ANKRD18B: variants seen among roughly 807,000 people sequenced by gnomAD.
The protein encoded by ANKRD18B is ankyrin repeat domain-containing protein 18B.
ANKRD18B carries 75 observed loss-of-function variants against 111.8 expected under a neutral mutation model. The observed-to-expected ratio is 0.67, with a 90% CI of 0.56 to 0.81. ANKRD18B has a LOEUF of 0.81. Ranked by LOEUF, ANKRD18B falls within the 40% of genes least tolerant of loss-of-function variation. The pLI, the probability that ANKRD18B is intolerant of heterozygous loss-of-function variation, is 0.00. For missense variants in ANKRD18B, 1,038 were observed against 1,225.5 expected (o/e 0.85, Z 2.28); for synonymous variants, 356 against 417.3 (o/e 0.85, Z 1.79).
intron 9 of ANKRD18B, 41 bp from the exon 10 acceptor site, chr9:33,543,144 T>A: frequency 6.7e-7 from 1 of 1,483,774 alleles, no homozygotes; most frequent in Non-Finnish European, 9.1e-7. Flanking sequence ...TTATAGTTTT[T>A]AAGTCATTCA....
intron 15 of ANKRD18B, among the ~76,000 whole-genome samples, 172 bp downstream of exon 15, chr9:33,566,672 A>G (rs1828690389): frequency 1.3e-5 from 2 of 152,064 alleles, no homozygotes; most frequent in Admixed American, 6.6e-5. Flanking sequence ...TTAAATTTCC[A>G]TTATTATTAT....
intron 4 of ANKRD18B, 69 bp from the exon 5 acceptor site, chr9:33,534,301 T>G (rs1314596428): frequency 6.8e-7 from 1 of 1,477,904 alleles, no homozygotes; most frequent in Non-Finnish European, 9.0e-7. Context: ...ATTGGTAAAG[T>G]GTATCCAATT....
At chr9:33,544,966 G>C (rs1465594028) in intron 10 of ANKRD18B, among the ~76,000 whole-genome samples, 1 of 152,210 alleles carries the variant, frequency 6.6e-6, no homozygotes, top group Admixed American at 6.5e-5. Flanking sequence ...CTTAAAGGGA[G>C]TGCCCTGTAA....
chr9:33,575,353 C>T (rs1365913212), downstream of ANKRD18B, among the ~76,000 whole-genome samples: 16 of 152,222 alleles, frequency 1.1e-4, no homozygotes, highest in Admixed American at 9.2e-4. Context: ...TGGAAGAAGC[C>T]AGGGCAGCAT....
In ANKRD18B at chr9:33,548,514, G is replaced by A. The variant is rs1828398321; in HGVS notation, c.1726G>A (p.Glu576Lys). The A allele has an allele frequency of 1.3e-6, 2 of 1,551,058 alleles. No individual in the cohort carries two copies. Among genetic ancestry groups the A allele is most frequent in the East Asian group, 2.4e-5 (1 of 40,932 alleles). Residue 576 changes from glutamate (E) to lysine (K), a missense_variant, in exon 11 of 19, where the codon GAA becomes AAA. Physicochemically the swap from Glu to Lys is moderately conservative, Grantham distance 56. Coordinates refer to ENST00000684830, the MANE Select transcript of ANKRD18B (RefSeq NM_001393611.1). ...TCTCAGGGAAAAGACATTGGCTTTA[G>A]AAAGTGTACAGCTGGACCTAAAGCA... is the stretch of plus-strand genomic sequence containing the variant. ...DALREKTLAL[E>K]SVQLDLKQAQ...
At chr9:33,555,581 T>G in intron 12 of ANKRD18B, 127 bp from the exon 13 acceptor site, 2 of 667,748 alleles carry the variant, frequency 3.0e-6, no homozygotes, top group South Asian at 1.6e-4. Flanking sequence ...TGGCATCAGG[T>G]TTGTAAAATG....
chr9:33,562,872 G>A (rs1022990503), intron 14 of ANKRD18B, among the ~76,000 whole-genome samples: 2 of 151,998 alleles, frequency 1.3e-5, no homozygotes, highest in African/African-American at 4.8e-5. Flanking sequence ...AATACTCAAA[G>A]CTTCTTCTTT....
chr9:33,548,826 C>A lies in ANKRD18B; in HGVS notation c.2038C>A (p.Gln680Lys). The A allele has an allele frequency of 6.7e-7, 1 of 1,498,510 alleles. No homozygotes were observed. The highest frequency in any genetic ancestry group is 8.9e-7 in the Non-Finnish European group (1 of 1,126,080). The allele number at this position is 1,498,510 out of a possible 1,614,324, so 92.8% of individuals were successfully genotyped here. ...EYNYLKEKLL[Q>K]YEKEKAEREV... ...TAATTATTTAAAAGAAAAACTGCTT[C>A]AGTATGAAAAAGAAAAAGCAGAAAG... The change falls in exon 11 of 19, where the codon CAG (glutamine) becomes AAG (lysine). Residue 680 changes from glutamine to lysine, a missense_variant. Transcript: ENST00000684830.
At chr9:33,538,092 T>G (rs953175610) in intron 6 of ANKRD18B, among the ~76,000 whole-genome samples, 90 of 152,234 alleles carry the variant, frequency 5.9e-4, no homozygotes, top group African/African-American at 2.0e-3. Flanking sequence ...GTCAACTGCA[T>G]TACACAGGAA....
intron 3 of ANKRD18B, among the ~76,000 whole-genome samples, chr9:33,533,184 A>G (rs973869591): frequency 2.0e-5 from 3 of 152,198 alleles, no homozygotes; most frequent in Non-Finnish European, 4.4e-5. Context: ...AAATGCTGAG[A>G]TAGAAGCAAG....
chr9:33,530,527 C>CAAA (rs34371607), intron 3 of ANKRD18B, among the ~76,000 whole-genome samples: 16 of 82,938 alleles, frequency 1.9e-4, no homozygotes, highest in Non-Finnish European at 2.5e-4. Flanking sequence ...ACAACAAGAG[C>CAAA]AAAAAAAAAA....
intron 10 of ANKRD18B, among the ~76,000 whole-genome samples, chr9:33,546,525 T>A (rs543698130): frequency 1.3e-5 from 2 of 152,212 alleles, no homozygotes; most frequent in South Asian, 4.1e-4. Context: ...GAAGGCTGAG[T>A]CCTGTACATT....
downstream of ANKRD18B, chr9:33,574,376 T>G (rs10813998): frequency 0.37 from 58,180 of 155,652 alleles, 12,361 homozygotes; most frequent in African/African-American, 0.59. Flanking sequence ...CAGGGGTTTT[T>G]TCTGTGGAGT....
rs1333623720 is a variant in ANKRD18B at position 33,525,740 on chromosome 9, A to G, written c.206+1045A>G. ...ATAACACACTTGAAAAATATTTACT[A>G]TATATATTTTTACTAATATATAAAA... On this transcript the variant is annotated intron_variant, in intron 1 of 18. Coordinates refer to ENST00000684830, the MANE Select transcript of ANKRD18B (RefSeq NM_001393611.1). 3.3e-5 allele frequency among the ~76,000 whole-genome samples: 5 copies of G among 150,648 alleles called. No individual in the cohort carries two copies. In the East Asian group the frequency reaches 5.8e-4, roughly 18 times the overall value.
At position 33,547,681 on chromosome 9, in the gene ANKRD18B, A is replaced by AGTGT. The variant is rs55918212; in HGVS notation, c.1150-216_1150-213dup. On this transcript the variant is annotated intron_variant, in intron 10 of 18. Transcript: ENST00000684830. ...TCTGATATTCTTAAAAATTCTCTAG[A>AGTGT]GTGTGTGTGTGTGTGTGTGTGTGTG... 8.6e-3 allele frequency among the ~76,000 whole-genome samples: 1,264 copies of AGTGT among 146,244 alleles called. 6 individuals are homozygous for AGTGT. The highest frequency in any genetic ancestry group is 0.028 in the Middle Eastern group (8 of 286).
At chr9:33,571,339 A>G (rs1274414388) in intron 18 of ANKRD18B, 48 bp downstream of exon 18, 2 of 898,884 alleles carry the variant, frequency 2.2e-6, no homozygotes, top group East Asian at 1.4e-4. Context: ...TTTTAGTAAT[A>G]AAGTGTAAAT....
intron 17 of ANKRD18B, among the ~76,000 whole-genome samples, chr9:33,570,182 A>C (rs1394413301): frequency 1.3e-5 from 2 of 152,208 alleles, no homozygotes; most frequent in Non-Finnish European, 2.9e-5. Context: ...CACTATCCTA[A>C]GCAAACTAAC....
intron 17 of ANKRD18B, among the ~76,000 whole-genome samples, chr9:33,570,656 T>TG (rs1828758658): frequency 6.7e-6 from 1 of 150,076 alleles, no homozygotes; most frequent in East Asian, 1.9e-4. Context: ...TTTTTTTTTT[T>TG]GAGATGGAGT....
intron 10 of ANKRD18B, among the ~76,000 whole-genome samples, chr9:33,547,309 C>G (rs1828371347): frequency 6.6e-6 from 1 of 152,020 alleles, no homozygotes; most frequent in African/African-American, 2.4e-5. Context: ...TTTAACCTGT[C>G]TTTTTTAAGG....
Sources: allele counts gnomAD v4.1 joint callset (sites outside exome capture counted in the v4.1 genomes callset), GRCh38; gene constraint gnomAD v4.1.1; transcripts MANE v1.5; gene names NCBI Gene and HGNC (gene_info 2026-07-23, HGNC 2026-07-21).